LUZP2: variants seen among roughly 807,000 people sequenced by gnomAD.
The protein encoded by LUZP2 is leucine zipper protein 2.
LUZP2 carries 52 observed loss-of-function variants against 51.6 expected under a neutral mutation model. That is an observed-to-expected ratio of 1.01 (90% CI 0.81 to 1.27). LUZP2 has a LOEUF of 1.27. Among genes scored for constraint, LUZP2 ranks in the 50% most tolerant of loss-of-function variants. The pLI, the probability that LUZP2 is intolerant of heterozygous loss-of-function variation, is 0.00. For synonymous variants in LUZP2, 154 were observed against 137.3 expected (o/e 1.12, Z -0.85); for missense variants, 436 against 395.4 (o/e 1.10, Z -0.87).
intron 1 of LUZP2, among the ~76,000 whole-genome samples, chr11:24,501,225 T>G (rs762146513): frequency 2.0e-5 from 3 of 152,246 alleles, no homozygotes; most frequent in Non-Finnish European, 4.4e-5. Context: ...CACAAATATT[T>G]TGACTTCTTA....
chr11:24,559,166 T>G (rs576040250), intron 1 of LUZP2, among the ~76,000 whole-genome samples: 6 of 152,172 alleles, frequency 3.9e-5, no homozygotes, highest in Admixed American at 3.9e-4. Flanking sequence ...TTAATCAGAA[T>G]TTCTTTGAAA....
At chr11:25,056,494 A>G (rs564298536) in intron 10 of LUZP2, among the ~76,000 whole-genome samples, 1 of 152,254 alleles carries the variant, frequency 6.6e-6, no homozygotes. Flanking sequence ...TGTTGGTCAT[A>G]CCTGAGACTG....
chr11:25,000,199 G>A (rs1856640958), intron 9 of LUZP2, among the ~76,000 whole-genome samples: 1 of 152,232 alleles, frequency 6.6e-6, no homozygotes, highest in South Asian at 2.1e-4. Context: ...ACAGAGTGCT[G>A]ATTGGTGCAT....
At position 24,670,277 on chromosome 11, in the gene LUZP2, T is replaced by A. The variant is rs541372402; in HGVS notation, c.63-58892T>A. ...TTCATTTTCATTAGCATTAAGTAAT[T>A]TTTTAAATGGCAATTATTTTATCTT... On this transcript the variant is annotated intron_variant, in intron 1 of 11. Coordinates refer to ENST00000336930, the MANE Select transcript of LUZP2 (RefSeq NM_001009909.4). Among the ~76,000 whole-genome samples the A allele has an allele frequency of 1.1e-4, 16 of 152,200 alleles. No individual in the cohort carries two copies. In the South Asian group the frequency reaches 3.3e-3, roughly 32 times the overall value.
chr11:24,850,589 G>T lies in LUZP2; in HGVS notation c.397-55402G>T, dbSNP rs368958492. Among the ~76,000 whole-genome samples, 149 of 152,182 alleles carry T rather than the reference G, an allele frequency of 9.8e-4. 2 individuals are homozygous for T. In the South Asian group the frequency reaches 0.029, roughly 29 times the overall value. On this transcript the variant is annotated intron_variant, in intron 5 of 11. Transcript: ENST00000336930. ...AGCTTTGTTCTTTTTGCTTAGGATT[G>T]TCTTGGTGATATGGGCTCTTTTTTA... is the stretch of plus-strand genomic sequence containing the variant.
At chr11:24,866,331 C>T (rs1338831564) in intron 5 of LUZP2, among the ~76,000 whole-genome samples, 1 of 152,050 alleles carries the variant, frequency 6.6e-6, no homozygotes, top group Non-Finnish European at 1.5e-5. Context: ...GCATAATTTT[C>T]TGTATAACTA....
At chr11:24,625,419 G>A (rs945157626) in intron 1 of LUZP2, among the ~76,000 whole-genome samples, 1 of 151,740 alleles carries the variant, frequency 6.6e-6, no homozygotes, top group African/African-American at 2.4e-5. Context: ...GAGAAATAAA[G>A]AAAATGCTAA....
At chr11:24,678,081 G>A (rs574598166) in intron 1 of LUZP2, among the ~76,000 whole-genome samples, 27 of 139,204 alleles carry the variant, frequency 1.9e-4, no homozygotes, top group Middle Eastern at 3.8e-3. Flanking sequence ...AGAAAGGGGG[G>A]GGGGGGTGAT....
chr11:24,510,401 T>A (rs1473744226), intron 1 of LUZP2, among the ~76,000 whole-genome samples: 1 of 152,234 alleles, frequency 6.6e-6, no homozygotes, highest in Non-Finnish European at 1.5e-5. Flanking sequence ...TTTCATAAGT[T>A]CCTGTAAGTA....
intron 1 of LUZP2, among the ~76,000 whole-genome samples, chr11:24,609,478 C>G (rs1241658648): frequency 1.3e-5 from 2 of 152,038 alleles, no homozygotes; most frequent in African/African-American, 4.8e-5. Context: ...GTAATCCCAG[C>G]AGTTTGGGAG....
intron 1 of LUZP2, among the ~76,000 whole-genome samples, chr11:24,632,260 G>T (rs535384731): frequency 6.6e-6 from 1 of 152,008 alleles, no homozygotes; most frequent in Non-Finnish European, 1.5e-5. Context: ...TCATATATTT[G>T]GGTATAATGA....
intron 3 of LUZP2, 39 bp downstream of exon 3, chr11:24,732,227 G>A (rs1858740439): frequency 1.4e-6 from 2 of 1,461,732 alleles, no homozygotes; most frequent in South Asian, 1.2e-5. Flanking sequence ...TTCTGCCATA[G>A]TGTCAAGCAA....
intron 9 of LUZP2, among the ~76,000 whole-genome samples, chr11:25,030,826 G>A (rs1857624751): frequency 1.4e-5 from 2 of 141,320 alleles, no homozygotes; most frequent in South Asian, 2.2e-4. Flanking sequence ...CTTTTGATTT[G>A]CAAAAAGCTA....
intron 5 of LUZP2, among the ~76,000 whole-genome samples, chr11:24,881,394 T>A (rs981356974): frequency 1.3e-5 from 2 of 151,554 alleles, no homozygotes; most frequent in Non-Finnish European, 2.9e-5. Flanking sequence ...TAAAGTTAGG[T>A]CTGAGTATTT....
chr11:24,750,862 T>C (rs967059483), intron 4 of LUZP2, among the ~76,000 whole-genome samples: 2 of 152,176 alleles, frequency 1.3e-5, no homozygotes, highest in African/African-American at 4.8e-5. Context: ...ATACTAATCT[T>C]GTGCATGATA....
intron 1 of LUZP2, among the ~76,000 whole-genome samples, chr11:24,676,368 C>T (rs1411213568): frequency 1.3e-5 from 2 of 152,106 alleles, no homozygotes; most frequent in Non-Finnish European, 2.9e-5. Flanking sequence ...AGATACTCTC[C>T]TTCAGCAGGT....
chr11:25,059,218 A>G (rs939536878), intron 10 of LUZP2, among the ~76,000 whole-genome samples: 2 of 152,192 alleles, frequency 1.3e-5, no homozygotes, highest in African/African-American at 4.8e-5. Flanking sequence ...AGTGAAGTAT[A>G]AAGAAGCGTT....
At chr11:24,746,032 T>C (rs1484769456) in intron 4 of LUZP2, among the ~76,000 whole-genome samples, 1 of 152,214 alleles carries the variant, frequency 6.6e-6, no homozygotes, top group Non-Finnish European at 1.5e-5. Context: ...TTAGGCCATT[T>C]ACCATCAATG....
Position 24,827,756 on chromosome 11 carries a change from A to G in LUZP2, c.396+64448A>G, listed in dbSNP as rs1156339067. Among the ~76,000 whole-genome samples, 3 of 152,254 alleles carry G rather than the reference A, an allele frequency of 2.0e-5. No homozygotes were observed. In the East Asian group the frequency reaches 5.8e-4, roughly 29 times the overall value. On this transcript the variant is annotated intron_variant, in intron 5 of 11. Transcript: ENST00000336930. Reference sequence around the variant, plus strand: ...ATGGGACCTGGGGCTCTGCATTTATAAAAACATTCCAGTGGTTCTTAACCA... The same window carrying G: ...ATGGGACCTGGGGCTCTGCATTTATGAAAACATTCCAGTGGTTCTTAACCA...
Sources: gnomAD v4.1 joint callset for allele counts (sites outside exome capture counted in the v4.1 genomes callset) on GRCh38, gnomAD v4.1.1 for gene constraint, MANE v1.5 for transcripts, NCBI Gene and HGNC (gene_info 2026-07-23, HGNC 2026-07-21) for gene names.